The following PDZRN4 variants were observed in gnomAD, a reference collection of about 807,000 sequenced individuals.
PDZRN4 encodes PDZ domain containing ring finger 4, also known as PDZ domain-containing RING finger protein 4.
Under a neutral mutation model 99.0 loss-of-function variants are expected in PDZRN4, and 70 were observed. That is an observed-to-expected ratio of 0.71 (90% CI 0.58 to 0.86). The LOEUF (loss-of-function observed/expected upper bound fraction) is 0.86, where lower values mean the gene tolerates loss of function less well. PDZRN4 is among the 40% of genes least tolerant of loss of function. The pLI is 0.00. For synonymous variants in PDZRN4, 551 were observed against 501.6 expected, an observed-to-expected ratio of 1.10 and a Z score of -1.32; for missense variants, 1,474 against 1,331.2, an observed-to-expected ratio of 1.11 and a Z score of -1.67.
chr12:41,243,457 T>C (rs1321964205), intron 3 of PDZRN4, among the ~76,000 whole-genome samples: 1 of 152,222 alleles, frequency 6.6e-6, no homozygotes, highest in East Asian at 1.9e-4. Context: ...ATTTCATGAG[T>C]TGTGCCAAGG....
At chr12:41,545,942 T>C (rs1938942421) in intron 5 of PDZRN4, among the ~76,000 whole-genome samples, 1 of 151,778 alleles carries the variant, frequency 6.6e-6, no homozygotes, top group African/African-American at 2.4e-5. Context: ...AATAATCCAC[T>C]AGGATCCAGT....
chr12:41,494,587 A>ATT (rs35164071), intron 3 of PDZRN4, among the ~76,000 whole-genome samples: 18 of 149,242 alleles, frequency 1.2e-4, no homozygotes, highest in African/African-American at 2.9e-4. Flanking sequence ...CATTTACTTT[A>ATT]TTTTTTTTTT....
chr12:41,416,926 T>C (rs778068034), intron 3 of PDZRN4, among the ~76,000 whole-genome samples: 3 of 152,194 alleles, frequency 2.0e-5, no homozygotes, highest in Non-Finnish European at 2.9e-5. Flanking sequence ...CTTAAAATCA[T>C]CATATGCCTT....
intron 3 of PDZRN4, among the ~76,000 whole-genome samples, chr12:41,385,718 T>G (rs1396147480): frequency 1.3e-5 from 2 of 152,118 alleles, no homozygotes; most frequent in Non-Finnish European, 2.9e-5. Flanking sequence ...CCAGATGGAT[T>G]CATAGCTGAA....
intron 3 of PDZRN4, among the ~76,000 whole-genome samples, chr12:41,225,796 G>A (rs1566373929): frequency 6.6e-6 from 1 of 151,980 alleles, no homozygotes; most frequent in Non-Finnish European, 1.5e-5. Flanking sequence ...AGCTTGTTTT[G>A]CATGTTAATT....
intron 3 of PDZRN4, among the ~76,000 whole-genome samples, chr12:41,456,740 T>G (rs1248639705): frequency 1.3e-5 from 2 of 152,144 alleles, no homozygotes; most frequent in East Asian, 3.9e-4. Flanking sequence ...GGCCAAATGG[T>G]GTGGTCACAC....
chr12:41,241,815 G>A (rs765893067), intron 3 of PDZRN4, among the ~76,000 whole-genome samples: 8 of 152,146 alleles, frequency 5.3e-5, no homozygotes, highest in Non-Finnish European at 1.2e-4. Context: ...ATTGTTTATA[G>A]TGTCAGCCAC....
At chr12:41,568,021 T>A (rs1276052557) in intron 9 of PDZRN4, 122 bp downstream of exon 9, 2 of 611,436 alleles carry the variant, frequency 3.3e-6, no homozygotes. Flanking sequence ...ATCATGGTAA[T>A]TTTTTAGAGC....
intron 9 of PDZRN4, among the ~76,000 whole-genome samples, chr12:41,570,889 G>A (rs1939459866): frequency 6.6e-6 from 1 of 152,072 alleles, no homozygotes; most frequent in Non-Finnish European, 1.5e-5. Flanking sequence ...ATGTTCCAGG[G>A]AAAGAAAGAT....
chr12:41,338,510 C>T (rs1197075914), intron 3 of PDZRN4, among the ~76,000 whole-genome samples: 1 of 151,732 alleles, frequency 6.6e-6, no homozygotes, highest in Non-Finnish European at 1.5e-5. Flanking sequence ...AAAAGATCAA[C>T]CAACCAAACT....
At chr12:41,193,974 A>T in intron 2 of PDZRN4, 107 bp from the exon 3 acceptor site, 2 of 629,202 alleles carry the variant, frequency 3.2e-6, no homozygotes, top group Non-Finnish European at 5.6e-6. Flanking sequence ...CAGCTAAGAG[A>T]GTTGCAGGTT....
chr12:41,306,867 A>T (rs1450126271), intron 3 of PDZRN4, among the ~76,000 whole-genome samples: 1 of 152,136 alleles, frequency 6.6e-6, no homozygotes, highest in Non-Finnish European at 1.5e-5. Context: ...GTCCACTAAG[A>T]TACTCCTCAT....
At chr12:41,331,521 A>G (rs1431579331) in intron 3 of PDZRN4, among the ~76,000 whole-genome samples, 1 of 152,124 alleles carries the variant, frequency 6.6e-6, no homozygotes, top group Non-Finnish European at 1.5e-5. Flanking sequence ...AGGAGGGAAA[A>G]AAAGAAGCTC....
intron 3 of PDZRN4, among the ~76,000 whole-genome samples, chr12:41,253,061 T>C (rs1413003183): frequency 6.6e-6 from 1 of 152,092 alleles, no homozygotes; most frequent in East Asian, 1.9e-4. Flanking sequence ...TGGAATTGTG[T>C]GGCATTAATG....
chr12:41,537,229 G>T (rs1938764316), intron 5 of PDZRN4, among the ~76,000 whole-genome samples: 2 of 152,162 alleles, frequency 1.3e-5, no homozygotes, highest in African/African-American at 4.8e-5. Flanking sequence ...GGGTGGAAAA[G>T]CACTTCTGGT....
At chr12:41,494,082 C>A (rs908204386) in intron 3 of PDZRN4, among the ~76,000 whole-genome samples, 2 of 151,662 alleles carry the variant, frequency 1.3e-5, no homozygotes, top group African/African-American at 2.4e-5. Flanking sequence ...TTTCCTTGTC[C>A]TGGGAACATA....
In PDZRN4 at chr12:41,226,911, TC is replaced by T. The variant is rs1283958766; in HGVS notation, c.843+32724del. Among the ~76,000 whole-genome samples the T allele has an allele frequency of 2.6e-5, 4 of 152,298 alleles. No individual in the cohort carries two copies. In the East Asian group the frequency reaches 7.7e-4, roughly 29 times the overall value. On this transcript the variant is annotated intron_variant, in intron 3 of 9. Transcript: ENST00000402685. Reference sequence around the variant, plus strand: ...CTTTTTGTGCCAGTCAAACTGACTTTCTATTGACCATATTGTACTTGCTGTT... The same window carrying T: ...CTTTTTGTGCCAGTCAAACTGACTTTTATTGACCATATTGTACTTGCTGTT...
chr12:41,332,670 A>G (rs1951747898), intron 3 of PDZRN4, among the ~76,000 whole-genome samples: 1 of 150,636 alleles, frequency 6.6e-6, no homozygotes. Flanking sequence ...AAGAGGAATG[A>G]CCAAGAACTG....
chr12:41,362,702 C>T (rs921945296), intron 3 of PDZRN4, among the ~76,000 whole-genome samples: 21 of 152,022 alleles, frequency 1.4e-4, no homozygotes, highest in African/African-American at 5.1e-4. Flanking sequence ...ATCTGCTGCC[C>T]TTCTGTCCAG....
Sources: gnomAD v4.1 joint callset for allele counts (sites outside exome capture counted in the v4.1 genomes callset) on GRCh38, gnomAD v4.1.1 for gene constraint, MANE v1.5 for transcripts, NCBI Gene and HGNC (gene_info 2026-07-23, HGNC 2026-07-21) for gene names.